The following PM20D2 variants were observed in gnomAD, a reference collection of about 807,000 sequenced individuals.
PM20D2 encodes peptidase M20 domain containing 2, also known as xaa-Arg dipeptidase.
A neutral mutation model predicts 42.9 loss-of-function variants in PM20D2; 33 were observed. The ratio of observed to expected loss-of-function variants is 0.77; its 90% CI spans 0.58 to 1.03. PM20D2 has a LOEUF of 1.03. PM20D2 is among the 50% of genes least tolerant of loss of function. PM20D2 has a pLI of 0.00. For synonymous variants in PM20D2, 250 were observed against 228.2 expected (o/e 1.10, Z -0.86); for missense variants, 548 against 557.0 (o/e 0.98, Z 0.16).
intron 1 of PM20D2, among the ~76,000 whole-genome samples, chr6:89,149,062 A>G (rs1254458403): frequency 6.6e-6 from 1 of 152,352 alleles, no homozygotes; most frequent in Middle Eastern, 3.4e-3. Flanking sequence ...CATACTTTGC[A>G]CCAAGTTGGT....
rs1021871752 is a variant in PM20D2 at position 89,146,311 on chromosome 6, A to G, written c.167A>G (p.His56Arg). The G allele has an allele frequency of 1.9e-6, 3 of 1,579,944 alleles. No individual in the cohort carries two copies. In the African/African-American group the frequency reaches 4.1e-5, roughly 21 times the overall value. The stretch of plus-strand genomic sequence containing the variant: ...CAGCCCGAGCTGGCCTACGAGGAGC[A>G]CCATGCCCACCGCGTGCTGACGCAC... ...WSQPELAYEE[H>R]HAHRVLTHFF... Residue 56 changes from histidine (H) to arginine (R), a missense_variant, in exon 1 of 7, where the codon CAC becomes CGC. Coordinates refer to ENST00000275072, the MANE Select transcript of PM20D2 (RefSeq NM_001010853.3).
the PM20D2 span, chr6:89,098,645 G>A: frequency 1.9e-6 from 3 of 1,613,982 alleles, no homozygotes; most frequent in East Asian, 2.2e-5. Flanking sequence ...ATGCTTTGCT[G>A]TTTGTACTTT....
chr6:89,096,552 A>G, the PM20D2 span: 3 of 152,254 alleles, frequency 2.0e-5, no homozygotes, highest in Non-Finnish European at 4.4e-5. Context: ...TGACAAACCT[A>G]GTCAGAGGTA....
upstream of PM20D2, among the ~76,000 whole-genome samples, chr6:89,142,956 C>T (rs557633826): frequency 1.3e-5 from 2 of 152,264 alleles, no homozygotes; most frequent in Non-Finnish European, 2.9e-5. Context: ...CCGCGCCCGG[C>T]CCCCCACAAT....
the PM20D2 span, among the ~76,000 whole-genome samples, chr6:89,095,312 A>C: frequency 6.6e-6 from 1 of 152,060 alleles, no homozygotes. Flanking sequence ...TGCAAACTCC[A>C]CCTTCCAGGT....
the PM20D2 span, chr6:89,098,500 C>T: frequency 5.9e-5 from 87 of 1,483,852 alleles, 1 homozygote; most frequent in Middle Eastern, 1.7e-3. Flanking sequence ...TTCTGTATGC[C>T]TTAAAGAATT....
chr6:89,134,860 C>T, the PM20D2 span, among the ~76,000 whole-genome samples: 29 of 151,238 alleles, frequency 1.9e-4, 2 homozygotes, highest in Admixed American at 1.3e-3. Context: ...GGGATGGTTT[C>T]GGAAGAGATC....
the PM20D2 span, among the ~76,000 whole-genome samples, chr6:89,118,238 A>T: frequency 6.6e-6 from 1 of 151,778 alleles, no homozygotes; most frequent in African/African-American, 2.4e-5. Flanking sequence ...GTATGTCAGG[A>T]GGGCGGAGGC....
At chr6:89,139,718 A>G in the PM20D2 span, among the ~76,000 whole-genome samples, 4 of 152,152 alleles carry the variant, frequency 2.6e-5, no homozygotes, top group Admixed American at 1.3e-4. Context: ...AAATAAATAA[A>G]TAAGGTGATA....
At chr6:89,112,478 G>C in the PM20D2 span, among the ~76,000 whole-genome samples, 2 of 133,324 alleles carry the variant, frequency 1.5e-5, no homozygotes, top group African/African-American at 5.6e-5. Context: ...ACAGGGTCTC[G>C]CTCTGTTGCC....
chr6:89,153,322 T>G (rs1397788061), intron 3 of PM20D2, 137 bp downstream of exon 3: 1 of 646,406 alleles, frequency 1.5e-6, no homozygotes, highest in Non-Finnish European at 2.2e-6. Context: ...TAAGCATATT[T>G]TCAGAAATTC....
chr6:89,124,026 G>C, the PM20D2 span, among the ~76,000 whole-genome samples: 1 of 152,270 alleles, frequency 6.6e-6, no homozygotes, highest in African/African-American at 2.4e-5. Flanking sequence ...AATAAAGCAA[G>C]ATCATGTCTC....
At chr6:89,135,095 G>A in the PM20D2 span, among the ~76,000 whole-genome samples, 4 of 151,036 alleles carry the variant, frequency 2.6e-5, no homozygotes, top group Admixed American at 6.6e-5. Context: ...GAAGGGAATC[G>A]GGGAAGGAGA....
the PM20D2 span, among the ~76,000 whole-genome samples, chr6:89,130,072 C>A: frequency 6.7e-6 from 1 of 149,126 alleles, no homozygotes; most frequent in Non-Finnish European, 1.5e-5. Flanking sequence ...GTATACAACA[C>A]TTTTTTTGTT....
At chr6:89,111,470 A>G in the PM20D2 span, among the ~76,000 whole-genome samples, 1 of 152,304 alleles carries the variant, frequency 6.6e-6, no homozygotes, top group East Asian at 1.9e-4. Flanking sequence ...TGCTGTTAAT[A>G]TATAGAAATA....
At chr6:89,131,864 G>A in the PM20D2 span, among the ~76,000 whole-genome samples, 1 of 152,314 alleles carries the variant, frequency 6.6e-6, no homozygotes, top group South Asian at 2.1e-4. Context: ...TGGCCTTTTA[G>A]TGGGTTTCAT....
At chr6:89,119,923 G>A in the PM20D2 span, among the ~76,000 whole-genome samples, 1 of 152,176 alleles carries the variant, frequency 6.6e-6, no homozygotes, top group East Asian at 1.9e-4. Flanking sequence ...GAGATTACAG[G>A]TGTGAGCCAC....
rs1771248659 is a variant in PM20D2, at chr6:89,161,819, C to T, written c.1085C>T (p.Pro362Leu). 1.2e-6 allele frequency: 2 copies of T among 1,613,536 alleles called. No homozygotes were observed. The highest frequency in any genetic ancestry group is 2.2e-5 in the East Asian group (1 of 44,884). ...TTTGGAAATGTTAGTTTTGTGGTTCCTGGAATTCATCCATATTTTCACATT... is the reference window on the plus strand; with the variant it reads ...TTTGGAAATGTTAGTTTTGTGGTTCTTGGAATTCATCCATATTTTCACATT... ...TDFGNVSFVV[P>L]GIHPYFHIGS... Residue 362 changes from proline to leucine, a missense_variant, in exon 6 of 7, where the codon CCT (proline) becomes CTT (leucine). This residue lies in a region of PM20D2 where 7 missense variants were observed against 22.9 expected (regional missense o/e 0.31). Transcript: ENST00000275072.
chr6:89,144,817 T>TTAAG (rs10683374), upstream of PM20D2, among the ~76,000 whole-genome samples: 54,782 of 151,854 alleles, frequency 0.36, 10,803 homozygotes, highest in African/African-American at 0.53. Context: ...GAAAGATTTA[T>TTAAG]TATCGCCAAG....
Sources: gnomAD v4.1 joint callset for allele counts (sites outside exome capture counted in the v4.1 genomes callset) on GRCh38, gnomAD v4.1.1 for gene constraint, gnomAD v4.1.1 regional missense constraint, MANE v1.5 for transcripts, NCBI Gene and HGNC (gene_info 2026-07-23, HGNC 2026-07-21) for gene names.